The following WDR43 variants were observed in gnomAD, a reference collection of about 807,000 sequenced individuals.
WDR43 encodes the protein WD repeat domain 43, also known as WD repeat-containing protein 43.
WDR43 carries 13 observed loss-of-function variants against 91.4 expected under a neutral mutation model. The observed-to-expected ratio is 0.14, with a 90% confidence interval of 0.09 to 0.23. The LOEUF is 0.23. Ranked by LOEUF, WDR43 falls within the 10% of genes least tolerant of loss-of-function variation. The pLI is 1.00. For missense variants in WDR43, 780 were observed against 809.4 expected, an observed-to-expected ratio of 0.96 and a Z score of 0.44; for synonymous variants, 331 against 287.9, an observed-to-expected ratio of 1.15 and a Z score of -1.51.
intron 8 of WDR43, 51 bp from the exon 9 acceptor site, chr2:28,926,417 T>A: frequency 8.9e-7 from 1 of 1,124,384 alleles, no homozygotes; most frequent in Non-Finnish European, 1.2e-6. Flanking sequence ...TTTGACACTC[T>A]TTTTTTTTTC....
chr2:28,911,542 C>T (rs1447005890), intron 3 of WDR43, among the ~76,000 whole-genome samples: 2 of 152,134 alleles, frequency 1.3e-5, no homozygotes, highest in Non-Finnish European at 2.9e-5. Context: ...GATCCGCCCA[C>T]CTCGGCTTCC....
At position 28,947,901 on chromosome 2, in the gene WDR43, C is replaced by T. The variant is rs1460963849; in HGVS notation, c.*1122C>T. The stretch of plus-strand genomic sequence containing the variant: ...TTTTTTTTTTTTTTAAAGAATGAGC[C>T]GATATTGGCTTAGTGCTCACTAGGG... On this transcript the variant is annotated 3_prime_UTR_variant, in exon 18 of 18. Coordinates refer to ENST00000407426, the MANE Select transcript of WDR43 (RefSeq NM_015131.3). 1 of 136,416 alleles carries T rather than the reference C, an allele frequency of 7.3e-6. No individual in the cohort carries two copies. Among genetic ancestry groups the T allele is most frequent in the East Asian group, 2.1e-4 (1 of 4,672 alleles). The allele number at this position is 136,416 out of a possible 1,614,324, so 8.5% of individuals were successfully genotyped here.
intron 10 of WDR43, among the ~76,000 whole-genome samples, chr2:28,928,611 CAG>C (rs1173792362): frequency 2.0e-5 from 3 of 152,176 alleles, no homozygotes; most frequent in Non-Finnish European, 4.4e-5. Context: ...AAGAGGCTGA[CAG>C]AACATGTTAG....
chr2:28,905,572 T>A (rs1670662911), intron 2 of WDR43, among the ~76,000 whole-genome samples: 2 of 152,198 alleles, frequency 1.3e-5, no homozygotes, highest in African/African-American at 4.8e-5. Context: ...AAATGCTGAC[T>A]TGGGGTGTGG....
chr2:28,895,707 C>G (rs138591279), intron 1 of WDR43: 1 of 152,300 alleles, frequency 6.6e-6, no homozygotes, highest in East Asian at 1.9e-4. Context: ...TTAGGCAGAG[C>G]TTTTCATTGT....
intron 14 of WDR43, among the ~76,000 whole-genome samples, 174 bp from the exon 15 acceptor site, chr2:28,941,287 T>C (rs1374382466): frequency 6.6e-6 from 1 of 152,244 alleles, no homozygotes; most frequent in East Asian, 1.9e-4. Flanking sequence ...GAGGGTCTTC[T>C]GTGAAAATTC....
chr2:28,946,348 A>G, intron 16 of WDR43, 102 bp from the exon 17 acceptor site: 1 of 1,168,830 alleles, frequency 8.6e-7, no homozygotes, highest in Non-Finnish European at 1.2e-6. Flanking sequence ...AATATAAATA[A>G]TATTTCTAAA....
At chr2:28,946,577 T>G in intron 17 of WDR43, 23 bp from the exon 18 acceptor site, 2 of 1,570,786 alleles carry the variant, frequency 1.3e-6, no homozygotes, top group Non-Finnish European at 1.7e-6. Flanking sequence ...CATGAATGCT[T>G]TCCTTGTTGG....
chr2:28,947,609 C>G lies in WDR43; in HGVS notation c.*830C>G, dbSNP rs1038187826. 1.3e-5 allele frequency: 2 copies of G among 151,950 alleles called. No individual in the cohort carries two copies. Among genetic ancestry groups the G allele is most frequent in the African/African-American group, 4.8e-5 (2 of 41,396 alleles). The allele number at this position is 151,950 out of a possible 1,614,324, so 9.4% of individuals were successfully genotyped here. A position where few individuals can be genotyped will look rare whatever the true frequency, so the allele number is the denominator to read the frequency against. ...GAGGTTTCCATTTTTATTTAAATTA[C>G]TAATGGATCAAAGAACAATTGTTTA... On this transcript the variant is annotated 3_prime_UTR_variant, in exon 18 of 18. Transcript: ENST00000407426.
At chr2:28,932,570 C>T (rs1671268939) in intron 11 of WDR43, among the ~76,000 whole-genome samples, 1 of 152,176 alleles carries the variant, frequency 6.6e-6, no homozygotes, top group Non-Finnish European at 1.5e-5. Flanking sequence ...AGGTTAGTAA[C>T]ATTTTTCTTT....
intron 14 of WDR43, among the ~76,000 whole-genome samples, chr2:28,940,435 G>A (rs576767321): frequency 5.7e-4 from 86 of 152,158 alleles, no homozygotes; most frequent in Middle Eastern, 3.4e-3. Context: ...TCTCCATGTT[G>A]GTCAGGCTGG....
At chr2:28,921,997 A>T (rs1671038492) in intron 6 of WDR43, among the ~76,000 whole-genome samples, 2 of 152,236 alleles carry the variant, frequency 1.3e-5, no homozygotes, top group Non-Finnish European at 1.5e-5. Context: ...GGCCTGAGCC[A>T]CTGTGTCTGG....
intron 11 of WDR43, among the ~76,000 whole-genome samples, chr2:28,932,595 C>T (rs1238276901): frequency 6.6e-6 from 1 of 152,020 alleles, no homozygotes; most frequent in Non-Finnish European, 1.5e-5. Context: ...AAACGTTTTC[C>T]CCCTTCCCAA....
At chr2:28,918,037 A>C (rs892160858) in intron 6 of WDR43, 42 bp downstream of exon 6, 13 of 1,493,386 alleles carry the variant, frequency 8.7e-6, no homozygotes, top group Non-Finnish European at 1.2e-5. Flanking sequence ...TGGGTTTCAC[A>C]GATGTTATTT....
intron 1 of WDR43, among the ~76,000 whole-genome samples, chr2:28,898,174 A>G (rs1321001637): frequency 6.6e-6 from 1 of 152,308 alleles, no homozygotes; most frequent in Non-Finnish European, 1.5e-5. Context: ...CTTGTCTGCT[A>G]TTGGCTATCA....
intron 1 of WDR43, among the ~76,000 whole-genome samples, chr2:28,895,606 T>C (rs999153416): frequency 2.6e-5 from 4 of 152,100 alleles, no homozygotes; most frequent in Non-Finnish European, 5.9e-5. Flanking sequence ...AAGTCTGTAT[T>C]AGGATGTGGA....
chr2:28,906,258 G>T (rs780639627), intron 2 of WDR43, among the ~76,000 whole-genome samples: 1 of 151,936 alleles, frequency 6.6e-6, no homozygotes, highest in Non-Finnish European at 1.5e-5. Context: ...CCAATGACTG[G>T]CCTCAGATCA....
intron 5 of WDR43, among the ~76,000 whole-genome samples, chr2:28,915,277 G>C (rs998890415): frequency 6.6e-6 from 1 of 152,138 alleles, no homozygotes; most frequent in Non-Finnish European, 1.5e-5. Context: ...AACGGATTTG[G>C]TTTTGTTTCG....
chr2:28,921,687 G>A (rs1281117794), intron 6 of WDR43, among the ~76,000 whole-genome samples: 2 of 151,956 alleles, frequency 1.3e-5, no homozygotes, highest in Admixed American at 6.6e-5. Context: ...ATTTGATGGC[G>A]GAGAAATGAT....
Sources: gnomAD v4.1 joint callset for allele counts (sites outside exome capture counted in the v4.1 genomes callset) on GRCh38, gnomAD v4.1.1 for gene constraint, MANE v1.5 for transcripts, NCBI Gene and HGNC (gene_info 2026-07-23, HGNC 2026-07-21) for gene names.